The following OR2L13 variants were observed in gnomAD, a reference collection of about 807,000 sequenced individuals.
OR2L13 encodes olfactory receptor family 2 subfamily L member 13.
OR2L13 carries 14 observed loss-of-function variants against 15.3 expected under a neutral mutation model. That is an observed-to-expected ratio of 0.91 (90% CI 0.60 to 1.43). OR2L13 has a LOEUF of 1.43. Ranked by LOEUF, OR2L13 falls within the 40% of genes most tolerant of loss-of-function variation. The pLI is 0.00. For synonymous variants in OR2L13, 152 were observed against 142.9 expected, an observed-to-expected ratio of 1.06 and a Z score of -0.45; for missense variants, 367 against 387.9, an observed-to-expected ratio of 0.95 and a Z score of 0.45.
chr1:248,062,787 C>T, the OR2L13 span: 4 of 152,114 alleles, frequency 2.6e-5, no homozygotes, highest in Non-Finnish European at 5.9e-5. Flanking sequence ...ATGGTTACCC[C>T]GATTAACCCG....
At chr1:248,060,999 AG>A in the OR2L13 span, 1 of 1,613,960 alleles carries the variant, frequency 6.2e-7, no homozygotes, top group Admixed American at 1.7e-5. Context: ...TCTCGGCATT[AG>A]GAGGTGCAGA....
the OR2L13 span, among the ~76,000 whole-genome samples, chr1:248,073,381 A>G: frequency 6.6e-6 from 1 of 152,176 alleles, no homozygotes; most frequent in Non-Finnish European, 1.5e-5. Context: ...CAAGGACAAA[A>G]AACCAAATAC....
the OR2L13 span, among the ~76,000 whole-genome samples, chr1:247,986,831 C>G: frequency 6.6e-6 from 1 of 152,056 alleles, no homozygotes; most frequent in African/African-American, 2.4e-5. Flanking sequence ...CCTTCACGTC[C>G]GTTGTAAGTT....
the OR2L13 span, among the ~76,000 whole-genome samples, chr1:248,009,634 G>A: frequency 1.3e-5 from 2 of 152,078 alleles, no homozygotes; most frequent in Non-Finnish European, 1.5e-5. Flanking sequence ...AACAGTTTCA[G>A]ACAATTGAAA....
the OR2L13 span, chr1:247,965,166 T>C: frequency 1.2e-3 from 598 of 517,506 alleles, 6 homozygotes; most frequent in African/African-American, 0.011. Flanking sequence ...CAAAAAGTTA[T>C]AAAAATTTGC....
In OR2L13 at chr1:248,099,880, A is replaced by G. The variant is rs775230183; in HGVS notation, c.505A>G (p.Arg169Gly). 6 of 1,614,106 alleles carry G rather than the reference A, an allele frequency of 3.7e-6. No individual in the cohort carries two copies. The South Asian group carries it at 5.5e-5, about 15-fold the overall frequency. Residue 169 changes from arginine (R) to glycine (G), a missense_variant, in exon 3 of 3, where the codon AGG becomes GGG. Physicochemically the swap from Arg to Gly is moderately radical, Grantham distance 125. Coordinates refer to ENST00000641714, the Ensembl canonical transcript of OR2L13. The stretch of plus-strand genomic sequence containing the variant: ...CTTTGCCCTTCATATTCCCTACTGC[A>G]GGTCTAGGGCTATTGACCATTTCTT...
chr1:248,077,528 T>G, the OR2L13 span, among the ~76,000 whole-genome samples: 1 of 152,190 alleles, frequency 6.6e-6, no homozygotes, highest in African/African-American at 2.4e-5. Flanking sequence ...GCCTGTTATT[T>G]GTCTATTCAG....
chr1:248,087,703 T>G, the OR2L13 span, among the ~76,000 whole-genome samples: 11 of 152,302 alleles, frequency 7.2e-5, no homozygotes, highest in Admixed American at 7.2e-4. Context: ...TATATCATCT[T>G]TGGCAAGGGA....
At chr1:247,951,418 G>A in the OR2L13 span, among the ~76,000 whole-genome samples, 6 of 152,200 alleles carry the variant, frequency 3.9e-5, no homozygotes, top group African/African-American at 9.6e-5. Context: ...GATGTCTTTC[G>A]ATTTGTTTGT....
the OR2L13 span, among the ~76,000 whole-genome samples, chr1:248,010,409 G>T: frequency 1.3e-5 from 2 of 152,130 alleles, no homozygotes; most frequent in African/African-American, 2.4e-5. Context: ...CTGTTGATTT[G>T]GGGTGGAGAG....
chr1:248,022,514 A>G, the OR2L13 span: 3 of 1,614,082 alleles, frequency 1.9e-6, no homozygotes, highest in Admixed American at 3.3e-5. Flanking sequence ...TAGCCTGTAC[A>G]GACACCTGGG....
At chr1:248,095,108 A>G (rs192295097), upstream of OR2L13, 103 of 152,318 alleles carry the variant, frequency 6.8e-4, no homozygotes, top group African/African-American at 2.3e-3. Flanking sequence ...GACACTGGAG[A>G]TCAATTAGAG....
At chr1:247,979,102 A>C in the OR2L13 span, among the ~76,000 whole-genome samples, 1 of 151,854 alleles carries the variant, frequency 6.6e-6, no homozygotes, top group Non-Finnish European at 1.5e-5. Flanking sequence ...TTCAGCACAA[A>C]TGTGTTTTGT....
the OR2L13 span, among the ~76,000 whole-genome samples, chr1:248,048,271 C>T: frequency 6.6e-6 from 1 of 152,188 alleles, no homozygotes; most frequent in African/African-American, 2.4e-5. Flanking sequence ...TACTCCTTTA[C>T]ACCTTAAAGA....
At chr1:248,025,147 C>T in the OR2L13 span, among the ~76,000 whole-genome samples, 2 of 148,092 alleles carry the variant, frequency 1.4e-5, no homozygotes, top group Non-Finnish European at 3.0e-5. Context: ...AAACTACCAT[C>T]AGAGTGAACA....
chr1:248,022,510 G>A, the OR2L13 span: 1 of 1,614,120 alleles, frequency 6.2e-7, no homozygotes, highest in Non-Finnish European at 8.5e-7. Flanking sequence ...ACATTAGCCT[G>A]TACAGACACC....
the OR2L13 span, among the ~76,000 whole-genome samples, chr1:247,952,699 CTGTTTT>C: frequency 2.6e-5 from 4 of 152,104 alleles, no homozygotes; most frequent in Admixed American, 2.0e-4. Context: ...AGAATGTCTG[CTGTTTT>C]TGTTAATTAT....
At chr1:247,951,162 C>A in the OR2L13 span, among the ~76,000 whole-genome samples, 6 of 152,006 alleles carry the variant, frequency 3.9e-5, no homozygotes, top group Admixed American at 3.9e-4. Flanking sequence ...GTTTTTATGC[C>A]AGTACTATTC....
the OR2L13 span, chr1:247,966,184 C>T: frequency 0.03 from 48,929 of 1,613,936 alleles, 845 homozygotes; most frequent in African/African-American, 0.058. Flanking sequence ...TTCCCCTTCA[C>T]GGGATAAGGC....
Sources: gnomAD v4.1 joint callset for allele counts (sites outside exome capture counted in the v4.1 genomes callset) on GRCh38, gnomAD v4.1.1 for gene constraint, MANE v1.5 for transcripts, NCBI Gene and HGNC (gene_info 2026-07-23, HGNC 2026-07-21) for gene names.